OR51B5: variants seen among roughly 807,000 people sequenced by gnomAD.
OR51B5 encodes the protein olfactory receptor 51B5.
For missense variants in OR51B5, 456 were observed against 374.6 expected (o/e 1.22, Z -1.79); for synonymous variants, 186 against 144.8 (o/e 1.28, Z -2.04).
intron 1 of OR51B5, among the ~76,000 whole-genome samples, chr11:5,435,756 G>A (rs1007480544): frequency 6.6e-6 from 1 of 152,128 alleles, no homozygotes; most frequent in Non-Finnish European, 1.5e-5. Context: ...ATAGTCCAGT[G>A]TAATATGAAT....
At chr11:5,467,817 A>G (rs1851158686) in intron 1 of OR51B5, among the ~76,000 whole-genome samples, 1 of 152,210 alleles carries the variant, frequency 6.6e-6, no homozygotes, top group Non-Finnish European at 1.5e-5. Flanking sequence ...CCATCAATCA[A>G]CAACCTCTGT....
intron 1 of OR51B5, among the ~76,000 whole-genome samples, chr11:5,473,428 A>T (rs982652954): frequency 2.6e-5 from 4 of 152,246 alleles, no homozygotes; most frequent in East Asian, 3.8e-4. Context: ...CAGACAAATT[A>T]TTTAAAGAGT....
chr11:5,487,826 T>G lies in OR51B5; in HGVS notation n.84+17743A>C, dbSNP rs114302667. Among the ~76,000 whole-genome samples the G allele has an allele frequency of 6.4e-3, 982 of 152,282 alleles. 9 individuals are homozygous for G. Among genetic ancestry groups the G allele is most frequent in the African/African-American group, 0.019 (791 of 41,560 alleles). On this transcript the variant is annotated intron_variant and non_coding_transcript_variant, in intron 1 of 4. Coordinates refer to the OR51B5 transcript ENST00000415970. ...GGCTTTGTCATGGTTGAGTGCAGTA[T>G]CCTCAACAAGCATATCTGATTTACC...
intron 1 of OR51B5, among the ~76,000 whole-genome samples, chr11:5,407,559 T>G (rs557520101): frequency 3.9e-4 from 59 of 152,292 alleles, no homozygotes; most frequent in African/African-American, 1.3e-3. Context: ...TTCTCACACA[T>G]TATGCTATTC....
At chr11:5,502,553 T>G (rs1846312407) in intron 1 of OR51B5, among the ~76,000 whole-genome samples, 1 of 152,236 alleles carries the variant, frequency 6.6e-6, no homozygotes, top group South Asian at 2.1e-4. Context: ...ATTTCCTGCA[T>G]GAAATTTGTT....
chr11:5,471,898 C>CAAGATGTACTG (rs1207581960), intron 1 of OR51B5, among the ~76,000 whole-genome samples: 1 of 152,096 alleles, frequency 6.6e-6, no homozygotes, highest in Non-Finnish European at 1.5e-5. Flanking sequence ...ACTCCCGGCA[C>CAAGATGTACTG]AAGATGTACT....
At chr11:5,354,713 T>C (rs954265289) in intron 1 of OR51B5, 4 of 172,134 alleles carry the variant, frequency 2.3e-5, no homozygotes, top group Non-Finnish European at 5.0e-5. Context: ...CAAGAGGGCA[T>C]CTTTGCCAAG....
chr11:5,360,197 G>C (rs891602451), intron 1 of OR51B5, among the ~76,000 whole-genome samples: 1 of 128,016 alleles, frequency 7.8e-6, no homozygotes, highest in Middle Eastern at 3.8e-3. Context: ...TACCATCAGA[G>C]TGAACAGGCA....
In OR51B5 at chr11:5,442,582, T is replaced by A. The variant is rs577683164; in HGVS notation, n.84+62987A>T. ...CCACCACTCTATGACCCTTTCCCAA[T>A]TCTTAACCAAATTTCTTGAAAAATT... On this transcript the variant is annotated intron_variant and non_coding_transcript_variant, in intron 1 of 4. Coordinates refer to the OR51B5 transcript ENST00000415970. Among the ~76,000 whole-genome samples the A allele has an allele frequency of 3.9e-4, 60 of 152,304 alleles. 1 individual carries two copies. Among genetic ancestry groups the A allele is most frequent in the Middle Eastern group, 3.4e-3 (1 of 294 alleles).
At chr11:5,401,738 AC>A (rs147870741) in intron 1 of OR51B5, among the ~76,000 whole-genome samples, 7,803 of 152,184 alleles carry the variant, frequency 0.051, 250 homozygotes, top group South Asian at 0.093. Flanking sequence ...AGACATCTCC[AC>A]ACCAACTCAA....
chr11:5,477,655 G>A (rs905067062), intron 1 of OR51B5, among the ~76,000 whole-genome samples: 14 of 152,016 alleles, frequency 9.2e-5, no homozygotes, highest in Admixed American at 3.3e-4. Context: ...GTGGGTGCGC[G>A]CACCGTGCGC....
intron 1 of OR51B5, among the ~76,000 whole-genome samples, chr11:5,468,064 A>T (rs986313172): frequency 2.6e-5 from 4 of 152,210 alleles, no homozygotes; most frequent in African/African-American, 9.6e-5. Flanking sequence ...TTAGTTTTTG[A>T]GTTTAAAGAT....
intron 1 of OR51B5, among the ~76,000 whole-genome samples, chr11:5,496,508 G>C (rs1173144173): frequency 6.6e-6 from 1 of 152,086 alleles, no homozygotes; most frequent in Non-Finnish European, 1.5e-5. Context: ...TGCCTTGCAT[G>C]GCTTTGTATT....
upstream of OR51B5, among the ~76,000 whole-genome samples, chr11:5,344,522 C>T (rs1038662028): frequency 2.6e-5 from 4 of 152,098 alleles, no homozygotes; most frequent in Non-Finnish European, 4.4e-5. Flanking sequence ...CCTGCTTAAA[C>T]GTGGTGCTGT....
In OR51B5 at chr11:5,368,450, A is replaced by G. The variant is rs1023365598; in HGVS notation, n.85-21540T>C. Among the ~76,000 whole-genome samples the G allele has an allele frequency of 2.9e-5, 4 of 138,132 alleles. No individual in the cohort carries two copies. In the East Asian group the frequency reaches 7.8e-4, roughly 27 times the overall value. The allele number at this position is 138,132 out of a possible 152,430, so 90.6% of individuals were successfully genotyped here. Reference sequence around the variant, plus strand: ...TAGTGCCTGGTCCATTGTAAGTATTATAGAAATCATTGCTATTATTACTAT... The same window carrying G: ...TAGTGCCTGGTCCATTGTAAGTATTGTAGAAATCATTGCTATTATTACTAT... On this transcript the variant is annotated intron_variant and non_coding_transcript_variant, in intron 1 of 4. Coordinates refer to the OR51B5 transcript ENST00000415970.
At chr11:5,368,069 G>A (rs768437567) in intron 1 of OR51B5, among the ~76,000 whole-genome samples, 85 of 152,184 alleles carry the variant, frequency 5.6e-4, no homozygotes, top group Non-Finnish European at 1.1e-3. Flanking sequence ...TGCTCCTATG[G>A]AGACCCAGGC....
At chr11:5,441,594 C>T in intron 1 of OR51B5, 1 of 1,050,898 alleles carries the variant, frequency 9.5e-7, no homozygotes, top group Non-Finnish European at 1.4e-6. Flanking sequence ...TATCCTGTCT[C>T]CAACAAAAGG....
chr11:5,434,316 C>T (rs2340349), intron 1 of OR51B5, among the ~76,000 whole-genome samples: 28,014 of 152,122 alleles, frequency 0.18, 3,101 homozygotes, highest in East Asian at 0.4. Flanking sequence ...AGATAACTTT[C>T]CTACTCCACT....
intron 1 of OR51B5, among the ~76,000 whole-genome samples, chr11:5,503,416 CT>C (rs140319728): frequency 0.16 from 24,553 of 151,976 alleles, 2,141 homozygotes; most frequent in Middle Eastern, 0.27. Context: ...AGAAACTACA[CT>C]TTTTTTTACA....
Sources: gnomAD v4.1 joint callset for allele counts (sites outside exome capture counted in the v4.1 genomes callset) on GRCh38, gnomAD v4.1.1 for gene constraint, MANE v1.5 for transcripts, NCBI Gene and HGNC (gene_info 2026-07-23, HGNC 2026-07-21) for gene names.